Variants in SUSD4 observed in about 807,000 individuals in gnomAD.
The protein encoded by SUSD4 is sushi domain-containing protein 4.
SUSD4 carries 41 observed loss-of-function variants against 50.5 expected under a neutral mutation model. The observed-to-expected ratio is 0.81, with a 90% CI of 0.63 to 1.05. The LOEUF is 1.05. Among genes scored for constraint, SUSD4 ranks in the 50% least tolerant of loss-of-function variants. The probability of loss-of-function intolerance (pLI) is 0.00; values close to 1 mark genes in which losing one functional copy is unlikely to be tolerated. For synonymous variants in SUSD4, 257 were observed against 257.3 expected (o/e 1.00, Z 0.01); for missense variants, 580 against 634.7 (o/e 0.91, Z 0.93).
At chr1:223,248,619 T>C (rs1327215470) in intron 5 of SUSD4, among the ~76,000 whole-genome samples, 1 of 151,900 alleles carries the variant, frequency 6.6e-6, no homozygotes, top group Admixed American at 6.6e-5. Context: ...AACACATGTG[T>C]CTACTGAAGG....
chr1:223,341,787 A>G (rs1326335230), intron 2 of SUSD4, among the ~76,000 whole-genome samples: 1 of 152,048 alleles, frequency 6.6e-6, no homozygotes. Context: ...TGAAGAAGAG[A>G]ATGGAAAGAG....
intron 2 of SUSD4, among the ~76,000 whole-genome samples, chr1:223,299,599 C>A (rs894655096): frequency 1.3e-5 from 2 of 152,114 alleles, no homozygotes; most frequent in African/African-American, 4.8e-5. Flanking sequence ...CCACAGGGTA[C>A]TCAGACATCA....
chr1:223,259,968 T>C (rs1661986260), intron 5 of SUSD4, among the ~76,000 whole-genome samples: 1 of 152,286 alleles, frequency 6.6e-6, no homozygotes, highest in South Asian at 2.1e-4. Flanking sequence ...TGTTCAGAAC[T>C]TTCTCTTTCC....
At chr1:223,248,606 G>A (rs1028464342) in intron 5 of SUSD4, among the ~76,000 whole-genome samples, 1 of 152,170 alleles carries the variant, frequency 6.6e-6, no homozygotes, top group South Asian at 2.1e-4. Context: ...AACACAGAAG[G>A]CCAACACATG....
chr1:223,351,795 G>A (rs529927858), intron 2 of SUSD4, among the ~76,000 whole-genome samples: 11 of 152,242 alleles, frequency 7.2e-5, no homozygotes, highest in Admixed American at 5.9e-4. Flanking sequence ...ATGAAAGTGT[G>A]TGTATCTTAA....
chr1:223,341,197 G>T (rs1667735945), intron 2 of SUSD4, among the ~76,000 whole-genome samples: 1 of 152,154 alleles, frequency 6.6e-6, no homozygotes, highest in African/African-American at 2.4e-5. Context: ...CCTGTCATGG[G>T]GTGCCCATCT....
At chr1:223,304,200 T>C (rs551950180) in intron 2 of SUSD4, among the ~76,000 whole-genome samples, 2 of 152,330 alleles carry the variant, frequency 1.3e-5, no homozygotes, top group South Asian at 2.1e-4. Flanking sequence ...TCTGCTTTTC[T>C]GGGATAGGAA....
chr1:223,350,804 T>C (rs1189958189), intron 2 of SUSD4, among the ~76,000 whole-genome samples: 2 of 152,174 alleles, frequency 1.3e-5, no homozygotes, highest in African/African-American at 2.4e-5. Flanking sequence ...ATCTGTAATG[T>C]GGGCTGCAGA....
intron 5 of SUSD4, chr1:223,264,113 T>C: frequency 2.0e-6 from 2 of 985,436 alleles, no homozygotes; most frequent in African/African-American, 1.7e-5. Flanking sequence ...TACTGATTAG[T>C]GGTCTTTCGT....
At position 223,286,888 on chromosome 1, in the gene SUSD4, G is replaced by C. The variant is rs76400781; in HGVS notation, c.361+5551C>G. On this transcript the variant is annotated intron_variant, in intron 3 of 8. Coordinates refer to ENST00000366878, the MANE Select transcript of SUSD4 (RefSeq NM_017982.4). ...ATGAGCTTGTTCTTTGTGTTGTTAG[G>C]TGAATCTCATGAAGACAAGCCATGT... Among the ~76,000 whole-genome samples the C allele has an allele frequency of 4.0e-3, 616 of 152,242 alleles. 2 individuals are homozygous for C. The highest frequency in any genetic ancestry group is 7.2e-3 in the Non-Finnish European group (488 of 68,006).
At chr1:223,249,126 G>A (rs890402572) in intron 5 of SUSD4, among the ~76,000 whole-genome samples, 5 of 152,322 alleles carry the variant, frequency 3.3e-5, no homozygotes, top group Admixed American at 3.3e-4. Context: ...GACATCTGTG[G>A]CGTCAGAGTG....
At chr1:223,242,927 C>A (rs1187041887) in intron 5 of SUSD4, among the ~76,000 whole-genome samples, 1 of 152,180 alleles carries the variant, frequency 6.6e-6, no homozygotes, top group Admixed American at 6.5e-5. Flanking sequence ...TTCCTCACGT[C>A]CCACTTGTAG....
In SUSD4 at chr1:223,307,962, A is replaced by G. The variant is rs574790484; in HGVS notation, c.149-15311T>C. On this transcript the variant is annotated intron_variant, in intron 2 of 8. Transcript: ENST00000366878. ...CCCCCCATGCTGTCCTTGGACAACA[A>G]CAGCTAATTATTGATCAGTTATTCG... is the stretch of plus-strand genomic sequence containing the variant. 3.3e-5 allele frequency among the ~76,000 whole-genome samples: 5 copies of G among 152,324 alleles called. No individual in the cohort carries two copies. The South Asian group carries it at 1.0e-3, about 32-fold the overall frequency.
At chr1:223,277,522 C>A (rs546081048) in intron 3 of SUSD4, among the ~76,000 whole-genome samples, 1 of 152,120 alleles carries the variant, frequency 6.6e-6, no homozygotes, top group African/African-American at 2.4e-5. Context: ...AAAAGAGGTC[C>A]CTGGGTGTGC....
intron 2 of SUSD4, among the ~76,000 whole-genome samples, chr1:223,323,415 T>C (rs1316827482): frequency 1.3e-5 from 2 of 152,038 alleles, no homozygotes; most frequent in African/African-American, 4.8e-5. Context: ...TGGTGGTGTG[T>C]AGAGTTCTGA....
chr1:223,222,161 A>G lies in SUSD4; in HGVS notation c.*31T>C. ...AGATACAAGGTCCTTTCCCCGAAGG[A>G]GCAGGAGAGTCATCTGGATCTTGAC... On this transcript the variant is annotated 3_prime_UTR_variant, in exon 9 of 9. Transcript: ENST00000366878. 1 of 1,610,852 alleles carries G rather than the reference A, an allele frequency of 6.2e-7. No individual in the cohort carries two copies. The highest frequency in any genetic ancestry group is 8.5e-7 in the Non-Finnish European group (1 of 1,178,694).
intron 2 of SUSD4, among the ~76,000 whole-genome samples, chr1:223,327,986 C>T (rs1386641213): frequency 5.9e-5 from 9 of 152,086 alleles, no homozygotes; most frequent in Non-Finnish European, 1.0e-4. Context: ...ATCCCAACAC[C>T]GGTCTCCAAT....
At chr1:223,234,271 C>G (rs1660073382) in intron 5 of SUSD4, among the ~76,000 whole-genome samples, 1 of 152,204 alleles carries the variant, frequency 6.6e-6, no homozygotes, top group Non-Finnish European at 1.5e-5. Context: ...TTCCAGCCTC[C>G]TTTCAATTTA....
intron 2 of SUSD4, among the ~76,000 whole-genome samples, chr1:223,336,663 T>C (rs981723551): frequency 5.3e-5 from 8 of 152,222 alleles, no homozygotes; most frequent in African/African-American, 1.9e-4. Context: ...GCTTCATTTA[T>C]GCAGTAGTAT....
Sources: gnomAD v4.1 joint callset for allele counts (sites outside exome capture counted in the v4.1 genomes callset) on GRCh38, gnomAD v4.1.1 for gene constraint, MANE v1.5 for transcripts, NCBI Gene and HGNC (gene_info 2026-07-23, HGNC 2026-07-21) for gene names.